GRID2: variants seen among roughly 807,000 people sequenced by gnomAD.
GRID2 encodes the protein glutamate ionotropic receptor delta type subunit 2, also known as glutamate receptor ionotropic, delta-2.
GRID2 carries 33 observed loss-of-function variants against 114.8 expected under a neutral mutation model. That is an observed-to-expected ratio of 0.29 (90% CI 0.22 to 0.38). GRID2 has a LOEUF of 0.38. Among genes scored for constraint, GRID2 ranks in the 10% least tolerant of loss-of-function variants. GRID2 has a pLI of 1.00. For synonymous variants in GRID2, 505 were observed against 449.9 expected (o/e 1.12, Z -1.55); for missense variants, 1,184 against 1,257.7 (o/e 0.94, Z 0.89).
intron 10 of GRID2, among the ~76,000 whole-genome samples, chr4:93,432,455 TA>T (rs778656790): frequency 2.6e-5 from 4 of 151,978 alleles, no homozygotes; most frequent in Non-Finnish European, 5.9e-5. Context: ...ACAGGTGAAG[TA>T]TGAGTGAAGA....
intron 1 of GRID2, among the ~76,000 whole-genome samples, chr4:92,540,128 C>G (rs992187538): frequency 6.6e-6 from 1 of 152,094 alleles, no homozygotes; most frequent in East Asian, 1.9e-4. Context: ...TTCTTTACAC[C>G]TTATACAAAA....
chr4:93,740,625 C>T (rs1731284005), intron 14 of GRID2, among the ~76,000 whole-genome samples: 1 of 152,148 alleles, frequency 6.6e-6, no homozygotes, highest in African/African-American at 2.4e-5. Context: ...TACATATGTG[C>T]GTTACTTACG....
intron 2 of GRID2, among the ~76,000 whole-genome samples, chr4:92,698,748 G>T (rs373410114): frequency 8.2e-4 from 124 of 152,014 alleles, no homozygotes; most frequent in African/African-American, 2.9e-3. Flanking sequence ...TCTCTGAAGT[G>T]GCAAGTGAAA....
intron 10 of GRID2, among the ~76,000 whole-genome samples, chr4:93,438,474 G>C (rs1211395028): frequency 1.3e-5 from 2 of 152,002 alleles, no homozygotes; most frequent in African/African-American, 4.8e-5. Context: ...AATTATAAAA[G>C]AGTTTTACAA....
chr4:93,271,020 C>T (rs1225653586), intron 8 of GRID2, among the ~76,000 whole-genome samples: 1 of 152,036 alleles, frequency 6.6e-6, no homozygotes, highest in Non-Finnish European at 1.5e-5. Flanking sequence ...TGACTAAGTG[C>T]TTTTATAGCT....
At chr4:92,382,261 A>G (rs1314246275) in intron 1 of GRID2, among the ~76,000 whole-genome samples, 2 of 152,030 alleles carry the variant, frequency 1.3e-5, no homozygotes, top group Non-Finnish European at 2.9e-5. Flanking sequence ...ATATAGATAT[A>G]GCTATATCCA....
chr4:93,129,055 G>T (rs1212527620), intron 4 of GRID2, among the ~76,000 whole-genome samples: 1 of 151,970 alleles, frequency 6.6e-6, no homozygotes, highest in African/African-American at 2.4e-5. Flanking sequence ...AACCTTCTCT[G>T]GACATTAAAT....
chr4:92,815,976 A>C (rs1740882358), intron 2 of GRID2, among the ~76,000 whole-genome samples: 1 of 144,866 alleles, frequency 6.9e-6, no homozygotes, highest in African/African-American at 2.5e-5. Flanking sequence ...AAAACCAACC[A>C]AAAAAAAAAC....
At chr4:93,177,877 CTA>C (rs140435398) in intron 4 of GRID2, among the ~76,000 whole-genome samples, 77 of 151,946 alleles carry the variant, frequency 5.1e-4, no homozygotes, top group African/African-American at 1.6e-3. Context: ...ATTACTTTTT[CTA>C]TATGTTAATG....
chr4:92,809,321 C>T (rs1336325438), intron 2 of GRID2, among the ~76,000 whole-genome samples: 1 of 151,794 alleles, frequency 6.6e-6, no homozygotes, highest in Non-Finnish European at 1.5e-5. Context: ...ATAAAAAATT[C>T]TGAGGGAACT....
intron 12 of GRID2, among the ~76,000 whole-genome samples, chr4:93,505,131 T>C (rs1283361682): frequency 2.0e-5 from 3 of 152,060 alleles, no homozygotes; most frequent in African/African-American, 4.8e-5. Flanking sequence ...TTATGTGCCT[T>C]AAGGTACCTA....
At chr4:93,799,458 A>G (rs958286456) in intron 1 of GRID2, among the ~76,000 whole-genome samples, 1 of 151,960 alleles carries the variant, frequency 6.6e-6, no homozygotes, top group Non-Finnish European at 1.5e-5. Flanking sequence ...TTTAACAAAA[A>G]TCTTTAGATT....
intron 9 of GRID2, among the ~76,000 whole-genome samples, chr4:93,409,415 G>A (rs181949586): frequency 1.3e-5 from 2 of 152,212 alleles, no homozygotes; most frequent in South Asian, 2.1e-4. Flanking sequence ...AGTTAGGTAA[G>A]GGAAAGTCAG....
chr4:93,042,665 C>A (rs1235922584), intron 2 of GRID2, among the ~76,000 whole-genome samples: 1 of 144,010 alleles, frequency 6.9e-6, no homozygotes, highest in African/African-American at 2.5e-5. Flanking sequence ...ATTTCTATCT[C>A]TCTCTCTATA....
At chr4:93,236,437 T>TATGAAACATTTCCATTTTTACCCGAGAAA (rs1285966391) in intron 7 of GRID2, among the ~76,000 whole-genome samples, 18 of 152,032 alleles carry the variant, frequency 1.2e-4, no homozygotes, top group Non-Finnish European at 2.5e-4. Flanking sequence ...GGATTTACAT[T>TATGAAACATTTCCATTTTTACCCGAGAAA]ATGAAACATT....
intron 1 of GRID2, among the ~76,000 whole-genome samples, chr4:92,538,484 C>T (rs1002154062): frequency 4.6e-5 from 7 of 152,048 alleles, no homozygotes; most frequent in African/African-American, 1.7e-4. Context: ...AATGCATTTG[C>T]CTATTGAGTC....
chr4:92,684,423 C>T, intron 2 of GRID2, among the ~76,000 whole-genome samples: 1 of 151,950 alleles, frequency 6.6e-6, no homozygotes, highest in South Asian at 2.1e-4. Context: ...CAATTATTTA[C>T]AGTAAGTATA....
In GRID2 at chr4:92,916,128, C is replaced by A. The variant is rs749454512; in HGVS notation, c.245-168867C>A. Reference sequence around the variant, plus strand: ...TTGCAACTGCTTTTGGTGTCTTTGTCGTGAAATTTTTCCTGTGCCTATGTC... The same window carrying A: ...TTGCAACTGCTTTTGGTGTCTTTGTAGTGAAATTTTTCCTGTGCCTATGTC... On this transcript the variant is annotated intron_variant, in intron 2 of 15. Coordinates refer to ENST00000282020, the MANE Select transcript of GRID2 (RefSeq NM_001510.4). Among the ~76,000 whole-genome samples, 5 of 151,974 alleles carry A rather than the reference C, an allele frequency of 3.3e-5. No homozygotes were observed. The East Asian group carries it at 7.7e-4, about 23-fold the overall frequency.
intron 2 of GRID2, among the ~76,000 whole-genome samples, chr4:92,886,637 AT>A (rs1161893172): frequency 6.6e-6 from 1 of 151,608 alleles, no homozygotes; most frequent in Non-Finnish European, 1.5e-5. Flanking sequence ...ATTTGTATTT[AT>A]TTTTTGAGAC....
Sources: gnomAD v4.1 joint callset for allele counts (sites outside exome capture counted in the v4.1 genomes callset) on GRCh38, gnomAD v4.1.1 for gene constraint, MANE v1.5 for transcripts, NCBI Gene and HGNC (gene_info 2026-07-23, HGNC 2026-07-21) for gene names.